WDR70: variants seen among roughly 807,000 people sequenced by gnomAD.
The protein encoded by WDR70 is WD repeat-containing protein 70.
Under a neutral mutation model 88.6 loss-of-function variants are expected in WDR70, and 53 were observed. The ratio of observed to expected loss-of-function variants is 0.60; its 90% CI spans 0.48 to 0.75. The LOEUF (loss-of-function observed/expected upper bound fraction) is 0.75, where lower values mean the gene tolerates loss of function less well. WDR70 is among the 30% of genes least tolerant of loss of function. The pLI is 0.00. For synonymous variants in WDR70, 280 were observed against 270.0 expected, an observed-to-expected ratio of 1.04 and a Z score of -0.36; for missense variants, 610 against 823.2, an observed-to-expected ratio of 0.74 and a Z score of 3.17.
chr5:37,520,496 C>G (rs945416584), intron 9 of WDR70, among the ~76,000 whole-genome samples: 1 of 151,892 alleles, frequency 6.6e-6, no homozygotes, highest in Middle Eastern at 3.5e-3. Flanking sequence ...AATTACTTTT[C>G]CAAATAGTTA....
At chr5:37,686,719 T>TG (rs1156745357) in intron 10 of WDR70, among the ~76,000 whole-genome samples, 1 of 151,946 alleles carries the variant, frequency 6.6e-6, no homozygotes, top group East Asian at 1.9e-4. Context: ...TCCATGACCA[T>TG]CTGCTGAGAA....
chr5:37,460,449 CA>C (rs1738952676), intron 7 of WDR70, among the ~76,000 whole-genome samples: 1 of 39,592 alleles, frequency 2.5e-5, no homozygotes, highest in Non-Finnish European at 5.8e-5. Context: ...AACAAAAAAC[CA>C]AACACCGCAT....
chr5:37,625,804 C>G (rs1744647002), intron 10 of WDR70, among the ~76,000 whole-genome samples: 2 of 152,106 alleles, frequency 1.3e-5, no homozygotes, highest in South Asian at 2.1e-4. Context: ...GCTAGAATTA[C>G]AGGCTTGAGC....
chr5:37,690,686 C>G (rs1746765451), intron 10 of WDR70, among the ~76,000 whole-genome samples: 2 of 152,128 alleles, frequency 1.3e-5, no homozygotes, highest in Admixed American at 1.3e-4. Flanking sequence ...ACCAGGCCTG[C>G]CTTAAAAGAC....
chr5:37,508,166 T>G lies in WDR70; in HGVS notation c.841-8348T>G, dbSNP rs1740617045. ...TTGTGTCCCCCCCAAATATATATAT[T>G]GAAGCCATCACCTCCAATGTTATAG... is the stretch of plus-strand genomic sequence containing the variant. On this transcript the variant is annotated intron_variant, in intron 8 of 17. Transcript: ENST00000265107. Among the ~76,000 whole-genome samples the G allele has an allele frequency of 2.6e-5, 4 of 152,278 alleles. 1 individual carries two copies. In the South Asian group the frequency reaches 8.3e-4, roughly 32 times the overall value.
intron 9 of WDR70, among the ~76,000 whole-genome samples, chr5:37,557,958 T>TCTTTTGAAAACTCTTCAAAAGAGTACTC (rs1742357179): frequency 1.4e-4 from 1 of 6,906 alleles, no homozygotes; most frequent in African/African-American, 4.1e-4. Context: ...CAAAAGAGTA[T>TCTTTTGAAAACTCTTCAAAAGAGTACTC]TATGTATATT....
chr5:37,713,847 C>G (rs1747583290), intron 13 of WDR70, among the ~76,000 whole-genome samples: 1 of 152,190 alleles, frequency 6.6e-6, no homozygotes, highest in South Asian at 2.1e-4. Flanking sequence ...GATTTTCTGA[C>G]AGTTTTTCTC....
intron 8 of WDR70, among the ~76,000 whole-genome samples, chr5:37,508,262 G>A (rs1740620841): frequency 6.6e-6 from 1 of 152,062 alleles, no homozygotes; most frequent in African/African-American, 2.4e-5. Flanking sequence ...TCTCTATGAT[G>A]CGATTAGTGC....
chr5:37,669,724 T>A (rs1745966380), intron 10 of WDR70, among the ~76,000 whole-genome samples: 1 of 152,110 alleles, frequency 6.6e-6, no homozygotes, highest in Admixed American at 6.6e-5. Flanking sequence ...CAGACCATGA[T>A]GTAGACCATG....
chr5:37,504,035 T>C (rs1351972125), intron 8 of WDR70, among the ~76,000 whole-genome samples: 1 of 152,210 alleles, frequency 6.6e-6, no homozygotes, highest in Admixed American at 6.5e-5. Context: ...CTCTAGTTTT[T>C]CTTAGAGTTT....
At chr5:37,564,407 A>G (rs942882650) in intron 9 of WDR70, among the ~76,000 whole-genome samples, 1 of 152,152 alleles carries the variant, frequency 6.6e-6, no homozygotes, top group African/African-American at 2.4e-5. Context: ...TGCGCCTGCA[A>G]TCGCAGGCAC....
At chr5:37,472,283 T>A (rs1739349210) in intron 7 of WDR70, among the ~76,000 whole-genome samples, 1 of 152,048 alleles carries the variant, frequency 6.6e-6, no homozygotes, top group Non-Finnish European at 1.5e-5. Context: ...TCTTTTTCAT[T>A]CTATGTCCCT....
intron 13 of WDR70, among the ~76,000 whole-genome samples, chr5:37,714,700 G>A (rs1747609649): frequency 6.6e-6 from 1 of 152,106 alleles, no homozygotes; most frequent in Admixed American, 6.5e-5. Context: ...ACCCACCTGG[G>A]TCACTCACCC....
At chr5:37,428,041 C>T (rs1750189858) in intron 5 of WDR70, among the ~76,000 whole-genome samples, 1 of 148,348 alleles carries the variant, frequency 6.7e-6, no homozygotes, top group South Asian at 2.1e-4. Flanking sequence ...CTGGAAACCA[C>T]AGCAGCCTTT....
chr5:37,702,248 A>G (rs1267672350), intron 12 of WDR70, among the ~76,000 whole-genome samples: 2 of 152,224 alleles, frequency 1.3e-5, no homozygotes, highest in African/African-American at 4.8e-5. Context: ...TTTTTGAGCT[A>G]TTATACCTGC....
intron 10 of WDR70, among the ~76,000 whole-genome samples, chr5:37,677,809 T>C (rs1484756136): frequency 3.3e-5 from 5 of 152,216 alleles, no homozygotes; most frequent in Non-Finnish European, 7.3e-5. Context: ...TCTGTCTCGA[T>C]CTGTCTAATG....
intron 9 of WDR70, among the ~76,000 whole-genome samples, chr5:37,574,383 C>G (rs149271634): frequency 3.2e-4 from 49 of 152,220 alleles, no homozygotes; most frequent in Non-Finnish European, 4.7e-4. Flanking sequence ...AGCATACCCC[C>G]CTCCATGGCT....
intron 9 of WDR70, among the ~76,000 whole-genome samples, chr5:37,523,792 G>A (rs1741172697): frequency 6.6e-6 from 1 of 152,322 alleles, no homozygotes; most frequent in Non-Finnish European, 1.5e-5. Flanking sequence ...TAAATGACCT[G>A]ATGGAGCTGA....
intron 16 of WDR70, among the ~76,000 whole-genome samples, chr5:37,726,317 A>G (rs1747969100): frequency 6.6e-6 from 1 of 152,080 alleles, no homozygotes; most frequent in South Asian, 2.1e-4. Context: ...GAAGTCCTAC[A>G]TCTTTCTGAG....
Sources: allele counts gnomAD v4.1 joint callset (sites outside exome capture counted in the v4.1 genomes callset), GRCh38; gene constraint gnomAD v4.1.1; transcripts MANE v1.5; gene names NCBI Gene and HGNC (gene_info 2026-07-23, HGNC 2026-07-21).